Variants in JAZF1 observed in about 807,000 individuals in gnomAD.
The protein encoded by JAZF1 is JAZF zinc finger 1, also known as juxtaposed with another zinc finger protein 1.
JAZF1 carries 8 observed loss-of-function variants against 26.4 expected under a neutral mutation model. That is an observed-to-expected ratio of 0.30 (90% confidence interval 0.18 to 0.55). The LOEUF (loss-of-function observed/expected upper bound fraction) is 0.55, where lower values mean the gene tolerates loss of function less well. Among genes scored for constraint, JAZF1 ranks in the 20% least tolerant of loss-of-function variants. The pLI is 0.94. For synonymous variants in JAZF1, 126 were observed against 122.3 expected, an observed-to-expected ratio of 1.03 and a Z score of -0.20; for missense variants, 199 against 322.0, an observed-to-expected ratio of 0.62 and a Z score of 2.92.
intron 1 of JAZF1, among the ~76,000 whole-genome samples, chr7:28,013,382 A>G (rs574622378): frequency 2.6e-5 from 4 of 152,164 alleles, no homozygotes; most frequent in African/African-American, 4.8e-5. Flanking sequence ...AGGAAAAAAT[A>G]GGAGGGCCAT....
chr7:27,992,332 A>C, intron 1 of JAZF1: 1 of 413,722 alleles, frequency 2.4e-6, no homozygotes, highest in South Asian at 1.9e-5. Context: ...TCTGTTAATT[A>C]TGCTCACTTC....
intron 1 of JAZF1, among the ~76,000 whole-genome samples, chr7:28,075,734 T>A (rs574906163): frequency 1.3e-5 from 2 of 152,218 alleles, no homozygotes; most frequent in African/African-American, 4.8e-5. Context: ...AATGGATATT[T>A]AGGTGAATCC....
At chr7:27,986,212 C>A (rs1043525087) in intron 2 of JAZF1, among the ~76,000 whole-genome samples, 9 of 152,186 alleles carry the variant, frequency 5.9e-5, no homozygotes, top group African/African-American at 1.9e-4. Flanking sequence ...ATTTAGAAAA[C>A]CCCATCGTCT....
intron 1 of JAZF1, among the ~76,000 whole-genome samples, chr7:28,029,747 A>G (rs1458965407): frequency 6.6e-6 from 1 of 152,222 alleles, no homozygotes. Context: ...AAAGAAAGCA[A>G]TGGCACCTTT....
chr7:28,110,498 G>GA (rs371217428), intron 1 of JAZF1, among the ~76,000 whole-genome samples: 7,419 of 34,740 alleles, frequency 0.21, 963 homozygotes, highest in East Asian at 0.38. Flanking sequence ...GAAAGGAAAG[G>GA]AAAGGAAAAG....
rs577133781 is a variant in JAZF1, at chr7:28,005,852, C to G, written c.116-13871G>C. Among the ~76,000 whole-genome samples, 4 of 144,638 alleles carry G rather than the reference C, an allele frequency of 2.8e-5. No individual in the cohort carries two copies. The South Asian group carries it at 8.6e-4, about 31-fold the overall frequency. The allele number at this position is 144,638 out of a possible 152,430, so 94.9% of individuals were successfully genotyped here. The stretch of plus-strand genomic sequence containing the variant: ...AATCTTGGCTTCTGTGGAAGGACTT[C>G]TGGGAATTAACTCTGGACTTTCTGT... On this transcript the variant is annotated intron_variant, in intron 1 of 4. Transcript: ENST00000283928.
intron 3 of JAZF1, among the ~76,000 whole-genome samples, chr7:27,868,844 A>G (rs1340727418): frequency 5.3e-5 from 8 of 152,134 alleles, no homozygotes; most frequent in Non-Finnish European, 1.0e-4. Flanking sequence ...CAACTAATAC[A>G]TGGAGAAGGC....
At chr7:27,858,894 C>A (rs979068838) in intron 3 of JAZF1, among the ~76,000 whole-genome samples, 1 of 152,134 alleles carries the variant, frequency 6.6e-6, no homozygotes, top group African/African-American at 2.4e-5. Context: ...TCTAATTAAA[C>A]TAAAGAGCTT....
intron 2 of JAZF1, among the ~76,000 whole-genome samples, chr7:27,990,106 A>T (rs1181549148): frequency 6.6e-6 from 1 of 152,240 alleles, no homozygotes; most frequent in Non-Finnish European, 1.5e-5. Context: ...ATGCAGCCAT[A>T]AAAAAGGATG....
chr7:28,023,965 G>A (rs1783048461), intron 1 of JAZF1, among the ~76,000 whole-genome samples: 1 of 152,088 alleles, frequency 6.6e-6, no homozygotes, highest in African/African-American at 2.4e-5. Flanking sequence ...TAAGGAAGAA[G>A]AGCAGAAAGT....
Position 27,979,405 on chromosome 7 carries a change from T to TTTTTTTC in JAZF1, c.188+12503_188+12504insGAAAAAA, listed in dbSNP as rs1368873651. Among the ~76,000 whole-genome samples the TTTTTTTC allele has an allele frequency of 1.6e-3, 135 of 84,236 alleles. 21 individuals carry two copies. In the East Asian group the frequency reaches 0.017, roughly 11 times the overall value. The allele number at this position is 84,236 out of a possible 152,430, so 55.3% of individuals were successfully genotyped here. On this transcript the variant is annotated intron_variant, in intron 2 of 4. Coordinates refer to ENST00000283928, the MANE Select transcript of JAZF1 (RefSeq NM_175061.4). The stretch of plus-strand genomic sequence containing the variant: ...TTTTTTTTTTTTTTTTTTTTTTTTT[T>TTTTTTTC]AGAAACAGAGTCTTGTTCTATCACC...
chr7:27,987,950 G>A (rs1448218887), intron 2 of JAZF1, among the ~76,000 whole-genome samples: 1 of 152,158 alleles, frequency 6.6e-6, no homozygotes, highest in Admixed American at 6.5e-5. Flanking sequence ...GATTAAGGGT[G>A]GTGCAAGATG....
intron 3 of JAZF1, among the ~76,000 whole-genome samples, chr7:27,869,259 G>A (rs970596350): frequency 6.6e-6 from 1 of 150,906 alleles, no homozygotes; most frequent in Non-Finnish European, 1.5e-5. Context: ...CCAAACAAGC[G>A]GCAACAGAAA....
intron 1 of JAZF1, among the ~76,000 whole-genome samples, chr7:28,001,462 GAAACA>G (rs2128367832): frequency 6.6e-6 from 1 of 152,272 alleles, no homozygotes; most frequent in Non-Finnish European, 1.5e-5. Context: ...TACTACTCTA[GAAACA>G]AAACATGACT....
chr7:27,987,901 C>T (rs1212579655), intron 2 of JAZF1, among the ~76,000 whole-genome samples: 1 of 152,168 alleles, frequency 6.6e-6, no homozygotes, highest in East Asian at 1.9e-4. Flanking sequence ...CAACCCCATG[C>T]TCTCTGAAAC....
intron 2 of JAZF1, among the ~76,000 whole-genome samples, chr7:27,967,722 T>C (rs1007444044): frequency 6.6e-6 from 1 of 152,202 alleles, no homozygotes; most frequent in Non-Finnish European, 1.5e-5. Flanking sequence ...TATTTTTAAA[T>C]AGAAAAAGAG....
At chr7:28,067,853 T>A (rs1783909338) in intron 1 of JAZF1, among the ~76,000 whole-genome samples, 1 of 152,160 alleles carries the variant, frequency 6.6e-6, no homozygotes, top group South Asian at 2.1e-4. Context: ...AACCTAGACT[T>A]CAGCCTCAGT....
intron 4 of JAZF1, among the ~76,000 whole-genome samples, chr7:27,834,901 A>T (rs567639949): frequency 9.2e-5 from 14 of 152,304 alleles, no homozygotes; most frequent in African/African-American, 3.4e-4. Context: ...ACAGAAAGAG[A>T]GTGAATGTTA....
At position 27,840,917 on chromosome 7, in the gene JAZF1, C is replaced by T; in HGVS notation, c.386-50G>A. 1 of 1,589,086 alleles carries T rather than the reference C, an allele frequency of 6.3e-7. No individual in the cohort carries two copies. Among genetic ancestry groups the T allele is most frequent in the Non-Finnish European group, 8.6e-7 (1 of 1,163,854 alleles). ...ACTGTCAGGAGCGCTCATCTCCCCACAGGTTCACCCGGCCACTTCCAGGAC... is the reference window on the plus strand; with the variant it reads ...ACTGTCAGGAGCGCTCATCTCCCCATAGGTTCACCCGGCCACTTCCAGGAC... On this transcript the variant is annotated intron_variant, in intron 3 of 4. Transcript: ENST00000283928. This position sits in a 1 kb window ranked among gnomAD's most constrained non-coding sequence, Gnocchi z 5.1.
Sources: gnomAD v4.1 joint callset for allele counts (sites outside exome capture counted in the v4.1 genomes callset) on GRCh38, gnomAD v4.1.1 for gene constraint, Gnocchi (gnomAD v3.1) non-coding constraint, MANE v1.5 for transcripts, NCBI Gene and HGNC (gene_info 2026-07-23, HGNC 2026-07-21) for gene names.